Variants in OSBPL1A observed in about 807,000 individuals in gnomAD.
The protein encoded by OSBPL1A is oxysterol binding protein like 1A, also known as oxysterol-binding protein-related protein 1.
In OSBPL1A, 80 loss-of-function variants were observed where a neutral mutation model predicts 137.1. The observed-to-expected ratio is 0.58, with a 90% confidence interval of 0.49 to 0.70. The LOEUF (loss-of-function observed/expected upper bound fraction) is 0.70. Ranked by LOEUF, OSBPL1A falls within the 30% of genes least tolerant of loss-of-function variation. The probability of loss-of-function intolerance (pLI) is 0.00; values close to 1 mark genes in which losing one functional copy is unlikely to be tolerated. For missense variants in OSBPL1A, 970 were observed against 1,129.4 expected (o/e 0.86, Z 2.02); for synonymous variants, 365 against 389.7 (o/e 0.94, Z 0.75).
intron 21 of OSBPL1A, among the ~76,000 whole-genome samples, chr18:24,175,743 T>C (rs2086429338): frequency 2.0e-5 from 3 of 152,358 alleles, no homozygotes; most frequent in African/African-American, 4.8e-5. Context: ...GTTTCTCCTA[T>C]GTTTTCTTCC....
intron 15 of OSBPL1A, among the ~76,000 whole-genome samples, chr18:24,255,996 T>C (rs1047567304): frequency 6.6e-5 from 10 of 152,124 alleles, no homozygotes; most frequent in African/African-American, 2.4e-4. Flanking sequence ...GGTTTTGCCA[T>C]GTTGGCCAGG....
At chr18:24,278,600 A>G (rs2089894407) in intron 15 of OSBPL1A, among the ~76,000 whole-genome samples, 1 of 152,222 alleles carries the variant, frequency 6.6e-6, no homozygotes, top group African/African-American at 2.4e-5. Flanking sequence ...AAATTAGAAT[A>G]GGTTGATTGC....
At chr18:24,171,617 G>T (rs1015085210) in intron 22 of OSBPL1A, 119 bp from the exon 23 acceptor site, 3 of 746,988 alleles carry the variant, frequency 4.0e-6, no homozygotes, top group African/African-American at 1.8e-5. Flanking sequence ...TGTGTGCCAG[G>T]CTCCATACTA....
At chr18:24,395,901 C>T (rs1379789852) in intron 1 of OSBPL1A, among the ~76,000 whole-genome samples, 4 of 149,052 alleles carry the variant, frequency 2.7e-5, no homozygotes, top group Admixed American at 6.7e-5. Context: ...GGATTACAGG[C>T]GTGAGCCATG....
chr18:24,218,966 A>G (rs2087799622), intron 17 of OSBPL1A, among the ~76,000 whole-genome samples: 1 of 152,148 alleles, frequency 6.6e-6, no homozygotes, highest in Non-Finnish European at 1.5e-5. Flanking sequence ...CCCTAAAAAA[A>G]ATAAAGATAA....
At chr18:24,298,818 A>G (rs2090345034) in intron 14 of OSBPL1A, among the ~76,000 whole-genome samples, 1 of 152,188 alleles carries the variant, frequency 6.6e-6, no homozygotes, top group Non-Finnish European at 1.5e-5. Flanking sequence ...TAGTGCTGTC[A>G]GTGGAGGAAT....
intron 20 of OSBPL1A, among the ~76,000 whole-genome samples, chr18:24,178,630 T>C (rs1462401532): frequency 6.6e-6 from 1 of 152,182 alleles, no homozygotes; most frequent in East Asian, 1.9e-4. Flanking sequence ...CAACTTCATA[T>C]ATGAGAAATT....
chr18:24,310,623 GAAA>G (rs1182540410), intron 13 of OSBPL1A, among the ~76,000 whole-genome samples: 1 of 128,894 alleles, frequency 7.8e-6, no homozygotes, highest in Non-Finnish European at 1.7e-5. Flanking sequence ...AAAAAGAAAA[GAAA>G]AAAAAAAAGA....
intron 15 of OSBPL1A, 128 bp from the exon 16 acceptor site, chr18:24,239,510 C>T (rs1378317106): frequency 2.2e-6 from 2 of 899,632 alleles, no homozygotes; most frequent in Non-Finnish European, 1.7e-6. Flanking sequence ...ACAGTCGTGT[C>T]ACATGTGCAT....
At chr18:24,365,989 G>A (rs2091697173) in intron 4 of OSBPL1A, among the ~76,000 whole-genome samples, 1 of 152,026 alleles carries the variant, frequency 6.6e-6, no homozygotes, top group Non-Finnish European at 1.5e-5. Flanking sequence ...TAATCCCACA[G>A]GTGAGGGCTC....
intron 24 of OSBPL1A, among the ~76,000 whole-genome samples, chr18:24,169,286 CCTT>C (rs1398517823): frequency 6.6e-6 from 1 of 152,212 alleles, no homozygotes; most frequent in Admixed American, 6.5e-5. Flanking sequence ...CATAAATACA[CCTT>C]CTGCTTTTGA....
At chr18:24,356,844 T>C (rs964592237) in intron 4 of OSBPL1A, among the ~76,000 whole-genome samples, 1 of 152,152 alleles carries the variant, frequency 6.6e-6, no homozygotes. Flanking sequence ...AAAACCCAGA[T>C]GGAATGTGGA....
chr18:24,229,664 T>A (rs900518068), intron 16 of OSBPL1A, among the ~76,000 whole-genome samples: 1 of 152,220 alleles, frequency 6.6e-6, no homozygotes, highest in African/African-American at 2.4e-5. Flanking sequence ...AGTCAAAGCC[T>A]ATCCATAGAA....
At chr18:24,290,954 T>A (rs920737599) in intron 14 of OSBPL1A, among the ~76,000 whole-genome samples, 1 of 152,128 alleles carries the variant, frequency 6.6e-6, no homozygotes, top group Non-Finnish European at 1.5e-5. Context: ...TGCCTAGATA[T>A]GAAATCCAAA....
At chr18:24,193,621 G>A (rs2086950290) in intron 18 of OSBPL1A, among the ~76,000 whole-genome samples, 1 of 152,098 alleles carries the variant, frequency 6.6e-6, no homozygotes, top group Admixed American at 6.5e-5. Context: ...AGCAGACAGT[G>A]CCCAAAGAAC....
chr18:24,190,642 G>T (rs2086866980), intron 18 of OSBPL1A, among the ~76,000 whole-genome samples: 1 of 152,200 alleles, frequency 6.6e-6, no homozygotes, highest in Non-Finnish European at 1.5e-5. Flanking sequence ...TGGGGGTAGA[G>T]ATACCAAATT....
chr18:24,275,830 C>T (rs1413067993), intron 15 of OSBPL1A, among the ~76,000 whole-genome samples: 3 of 151,672 alleles, frequency 2.0e-5, no homozygotes. Context: ...TGGGTTCAAG[C>T]GATTCTCCTG....
intron 15 of OSBPL1A, among the ~76,000 whole-genome samples, chr18:24,279,250 TAAAAAAAAAAAA>T (rs565359517): frequency 2.4e-5 from 3 of 125,398 alleles, no homozygotes; most frequent in African/African-American, 8.9e-5. Flanking sequence ...CCCATTTCTT[TAAAAAAAAAAAA>T]AAAAAAAAAA....
intron 14 of OSBPL1A, among the ~76,000 whole-genome samples, chr18:24,296,378 G>A (rs1386530553): frequency 6.6e-6 from 1 of 152,058 alleles, no homozygotes; most frequent in Non-Finnish European, 1.5e-5. Context: ...TATTGAATTT[G>A]TTTATGAGAT....
Sources: allele counts gnomAD v4.1 joint callset (sites outside exome capture counted in the v4.1 genomes callset), GRCh38; gene constraint gnomAD v4.1.1; transcripts MANE v1.5; gene names NCBI Gene and HGNC (gene_info 2026-07-23, HGNC 2026-07-21).